The following LARGE1 variants were observed in gnomAD, a reference collection of about 807,000 sequenced individuals.
The protein encoded by LARGE1 is xylosyl- and glucuronyltransferase LARGE1.
LARGE1 carries 43 observed loss-of-function variants against 87.6 expected under a neutral mutation model. The ratio of observed to expected loss-of-function variants is 0.49; its 90% CI spans 0.38 to 0.63. The LOEUF (loss-of-function observed/expected upper bound fraction) is 0.63. Ranked by LOEUF, LARGE1 falls within the 30% of genes least tolerant of loss-of-function variation. The pLI is 0.00. For synonymous variants in LARGE1, 434 were observed against 394.6 expected, an observed-to-expected ratio of 1.10 and a Z score of -1.18; for missense variants, 802 against 1,000.2, an observed-to-expected ratio of 0.80 and a Z score of 2.67.
intron 4 of LARGE1, among the ~76,000 whole-genome samples, chr22:33,610,814 T>TGGGCCA (rs1023699221): frequency 1.8e-4 from 27 of 152,288 alleles, no homozygotes; most frequent in African/African-American, 6.5e-4. Flanking sequence ...AATGGTTTCC[T>TGGGCCA]GGGCCAGGGC....
chr22:33,392,586 G>C (rs2065571055), intron 7 of LARGE1, among the ~76,000 whole-genome samples: 1 of 152,142 alleles, frequency 6.6e-6, no homozygotes, highest in Non-Finnish European at 1.5e-5. Context: ...TTGAACCTGG[G>C]AGGCGGATGT....
At chr22:33,893,127 C>G (rs738989) in intron 1 of LARGE1, among the ~76,000 whole-genome samples, 1 of 151,990 alleles carries the variant, frequency 6.6e-6, no homozygotes, top group Admixed American at 6.5e-5. Flanking sequence ...GGAAAGGACT[C>G]GGTTTAGAAC....
intron 2 of LARGE1, among the ~76,000 whole-genome samples, chr22:33,718,336 G>A (rs150367220): frequency 7.7e-4 from 117 of 152,250 alleles, no homozygotes; most frequent in Non-Finnish European, 1.5e-3. Context: ...CCAGGTGCTG[G>A]GAAAAATCCA....
chr22:33,277,048 C>A lies in LARGE1; in HGVS notation c.2073+12G>T, dbSNP rs377566674. ...CGTCGACCATACCAGGTGGATGCTCCGTTCTTCTCACCTGCACATCCAGCT... is the reference window on the plus strand; with the variant it reads ...CGTCGACCATACCAGGTGGATGCTCAGTTCTTCTCACCTGCACATCCAGCT... On this transcript the variant is annotated intron_variant, in intron 14 of 14. Coordinates refer to ENST00000397394, the MANE Select transcript of LARGE1 (RefSeq NM_133642.5). 39 of 1,613,456 alleles carry A rather than the reference C, an allele frequency of 2.4e-5. No individual in the cohort carries two copies. In the Middle Eastern group the frequency reaches 6.6e-4, roughly 27 times the overall value.
the LARGE1 span, among the ~76,000 whole-genome samples, chr22:33,113,037 A>G: frequency 6.6e-6 from 1 of 152,158 alleles, no homozygotes; most frequent in African/African-American, 2.4e-5. Context: ...CAGAGAAATG[A>G]CATGTTAGGG....
chr22:33,363,700 T>C (rs1328480035), intron 9 of LARGE1, among the ~76,000 whole-genome samples: 2 of 149,994 alleles, frequency 1.3e-5, no homozygotes, highest in African/African-American at 4.9e-5. Flanking sequence ...TTAATAACAA[T>C]AAATTATAAT....
At chr22:33,583,348 C>T (rs760231003) in intron 5 of LARGE1, among the ~76,000 whole-genome samples, 1 of 152,192 alleles carries the variant, frequency 6.6e-6, no homozygotes, top group Non-Finnish European at 1.5e-5. Flanking sequence ...TTTTGAGAAC[C>T]ATCACAGGGC....
intron 3 of LARGE1, among the ~76,000 whole-genome samples, chr22:33,631,876 T>A (rs530066609): frequency 6.6e-6 from 1 of 152,212 alleles, no homozygotes; most frequent in African/African-American, 2.4e-5. Flanking sequence ...TTGCACATGA[T>A]GTTAGGATGG....
intron 9 of LARGE1, among the ~76,000 whole-genome samples, chr22:33,341,247 C>T (rs1342045204): frequency 6.6e-6 from 1 of 152,088 alleles, no homozygotes; most frequent in Admixed American, 6.6e-5. Flanking sequence ...AAGGTGCTGA[C>T]TATGAACCGA....
chr22:33,358,897 C>T (rs1750299959), intron 9 of LARGE1, among the ~76,000 whole-genome samples: 1 of 151,662 alleles, frequency 6.6e-6, no homozygotes. Flanking sequence ...ACTCGGGAGG[C>T]TGAGGCAGGA....
chr22:33,858,451 G>A (rs1739517966), intron 1 of LARGE1, among the ~76,000 whole-genome samples: 1 of 152,244 alleles, frequency 6.6e-6, no homozygotes, highest in Non-Finnish European at 1.5e-5. Context: ...GAATGCCTGG[G>A]TTTATATCCT....
At chr22:33,468,936 C>T (rs780756121) in intron 6 of LARGE1, among the ~76,000 whole-genome samples, 1 of 152,180 alleles carries the variant, frequency 6.6e-6, no homozygotes, top group South Asian at 2.1e-4. Flanking sequence ...GGTCAATCTT[C>T]CTGTAACACC....
At chr22:33,276,222 A>G (rs527566549) in intron 14 of LARGE1, among the ~76,000 whole-genome samples, 36 of 131,430 alleles carry the variant, frequency 2.7e-4, no homozygotes, top group Admixed American at 1.7e-3. Context: ...AAAGAAAAGA[A>G]AAAAAAAAAA....
At chr22:33,463,947 T>G (rs1467888318) in intron 6 of LARGE1, among the ~76,000 whole-genome samples, 1 of 152,218 alleles carries the variant, frequency 6.6e-6, no homozygotes, top group Non-Finnish European at 1.5e-5. Context: ...GTGCTGGGAT[T>G]ACAGGTGTGG....
chr22:33,785,245 G>GTGTATACATACATATGTA (rs1569446116), intron 1 of LARGE1, among the ~76,000 whole-genome samples: 9 of 148,464 alleles, frequency 6.1e-5, no homozygotes, highest in African/African-American at 2.3e-4. Flanking sequence ...ATACATATGT[G>GTGTATACATACATATGTA]TATATATGCA....
At chr22:33,796,923 C>T (rs1190192831) in intron 1 of LARGE1, among the ~76,000 whole-genome samples, 2 of 152,018 alleles carry the variant, frequency 1.3e-5, no homozygotes, top group Non-Finnish European at 2.9e-5. Context: ...CACCACCACA[C>T]TTGGCTAATT....
rs112852313 is a variant in LARGE1, at chr22:33,585,695, T to G, written c.615+18740A>C. Among the ~76,000 whole-genome samples, 547 of 152,290 alleles carry G rather than the reference T, an allele frequency of 3.6e-3. 5 individuals are homozygous for G. Among genetic ancestry groups the G allele is most frequent in the African/African-American group, 0.013 (523 of 41,572 alleles). On this transcript the variant is annotated intron_variant, in intron 5 of 14. Coordinates refer to ENST00000397394, the MANE Select transcript of LARGE1 (RefSeq NM_133642.5). ...GATATTTGACACAAAATTAGTAGAT[T>G]GTTTAAGGCACTTTACTCAGGTTAT... is the stretch of plus-strand genomic sequence containing the variant.
intron 3 of LARGE1, among the ~76,000 whole-genome samples, chr22:33,648,072 A>G (rs1424345706): frequency 1.3e-5 from 2 of 152,132 alleles, no homozygotes; most frequent in African/African-American, 4.8e-5. Context: ...CTTGATTTTA[A>G]TCCACAGTTT....
At chr22:33,511,300 G>T (rs1012901666) in intron 6 of LARGE1, among the ~76,000 whole-genome samples, 21 of 152,068 alleles carry the variant, frequency 1.4e-4, no homozygotes, top group Admixed American at 8.5e-4. Context: ...TACCCCATGT[G>T]GTAATATTTA....
Sources: allele counts gnomAD v4.1 joint callset (sites outside exome capture counted in the v4.1 genomes callset), GRCh38; gene constraint gnomAD v4.1.1; transcripts MANE v1.5; gene names NCBI Gene and HGNC (gene_info 2026-07-23, HGNC 2026-07-21).